The following CCSER1 variants were observed in gnomAD, a reference collection of about 807,000 sequenced individuals.
CCSER1 encodes the protein serine-rich coiled-coil domain-containing protein 1.
CCSER1 carries 41 observed loss-of-function variants against 82.0 expected under a neutral mutation model. The ratio of observed to expected loss-of-function variants is 0.50; its 90% CI spans 0.39 to 0.65. The LOEUF is 0.65. CCSER1 is among the 30% of genes least tolerant of loss of function. The probability of loss-of-function intolerance (pLI) is 0.00; values close to 1 mark genes in which losing one functional copy is unlikely to be tolerated. For synonymous variants in CCSER1, 414 were observed against 383.9 expected, an observed-to-expected ratio of 1.08 and a Z score of -0.92; for missense variants, 1,119 against 1,064.2, an observed-to-expected ratio of 1.05 and a Z score of -0.72.
intron 10 of CCSER1, among the ~76,000 whole-genome samples, chr4:91,442,948 G>A (rs553334977): frequency 8.4e-4 from 128 of 152,276 alleles, no homozygotes; most frequent in African/African-American, 2.8e-3. Flanking sequence ...AGTTAGAATG[G>A]CAATCATTAA....
At chr4:91,227,430 T>A (rs1738285838) in intron 10 of CCSER1, among the ~76,000 whole-genome samples, 1 of 151,582 alleles carries the variant, frequency 6.6e-6, no homozygotes, top group South Asian at 2.1e-4. Context: ...TTAATAACAT[T>A]ATAATGTGTG....
chr4:91,033,726 G>A (rs191088375), intron 9 of CCSER1, among the ~76,000 whole-genome samples: 4 of 152,210 alleles, frequency 2.6e-5, no homozygotes, highest in Admixed American at 1.3e-4. Flanking sequence ...TACTTACTAC[G>A]GACTCAGAAG....
At position 90,555,562 on chromosome 4, in the gene CCSER1, A is replaced by T. The variant is rs570595222; in HGVS notation, c.1725-72463A>T. Among the ~76,000 whole-genome samples the T allele has an allele frequency of 1.8e-3, 270 of 152,206 alleles. 1 individual carries two copies. The highest frequency in any genetic ancestry group is 1.3e-3 in the Non-Finnish European group (86 of 67,940). ...TCTTCTCAAATAACTCTTTAATTTT[A>T]ATTTTACACCTTTGCAAGTGTCAGA... On this transcript the variant is annotated intron_variant, in intron 5 of 10. Coordinates refer to ENST00000509176, the MANE Select transcript of CCSER1 (RefSeq NM_001145065.2).
intron 10 of CCSER1, among the ~76,000 whole-genome samples, chr4:91,180,042 G>C (rs1008899878): frequency 6.6e-6 from 1 of 152,208 alleles, no homozygotes; most frequent in African/African-American, 2.4e-5. Context: ...AGGATCCCCA[G>C]CTGCAGGTCT....
chr4:91,210,654 G>C (rs1736738834), intron 10 of CCSER1, among the ~76,000 whole-genome samples: 1 of 151,624 alleles, frequency 6.6e-6, no homozygotes, highest in African/African-American at 2.4e-5. Context: ...CTTCAAAAAT[G>C]TTAAGGATAT....
At chr4:91,112,241 A>G (rs1334938933) in intron 10 of CCSER1, among the ~76,000 whole-genome samples, 3 of 152,092 alleles carry the variant, frequency 2.0e-5, no homozygotes, top group Admixed American at 6.5e-5. Flanking sequence ...TCATTGAATA[A>G]TGACGTTTCC....
intron 6 of CCSER1, among the ~76,000 whole-genome samples, chr4:90,638,677 C>T (rs1005437250): frequency 2.6e-5 from 4 of 152,132 alleles, no homozygotes; most frequent in Non-Finnish European, 4.4e-5. Context: ...TGCTGTACAA[C>T]TTGGTCTTGA....
intron 7 of CCSER1, among the ~76,000 whole-genome samples, chr4:90,728,529 A>G (rs1350651210): frequency 6.6e-6 from 1 of 152,138 alleles, no homozygotes; most frequent in Non-Finnish European, 1.5e-5. Context: ...AGATAAATAA[A>G]TTGTTTCAAA....
At chr4:90,251,011 A>G (rs556089577) in intron 1 of CCSER1, among the ~76,000 whole-genome samples, 9 of 152,058 alleles carry the variant, frequency 5.9e-5, no homozygotes, top group African/African-American at 2.2e-4. Flanking sequence ...TAGAGATACA[A>G]TTGATTTTGG....
At chr4:90,373,129 T>G (rs1182590818) in intron 3 of CCSER1, among the ~76,000 whole-genome samples, 1 of 152,126 alleles carries the variant, frequency 6.6e-6, no homozygotes, top group Non-Finnish European at 1.5e-5. Context: ...TATCTCATCC[T>G]CAATTTACCT....
intron 6 of CCSER1, among the ~76,000 whole-genome samples, chr4:90,638,006 G>A (rs1725744084): frequency 6.6e-6 from 1 of 152,064 alleles, no homozygotes; most frequent in African/African-American, 2.4e-5. Flanking sequence ...CACTTCCTTA[G>A]ACAAAATACG....
At chr4:91,140,716 C>G (rs928479157) in intron 10 of CCSER1, among the ~76,000 whole-genome samples, 5 of 152,062 alleles carry the variant, frequency 3.3e-5, no homozygotes, top group Admixed American at 2.6e-4. Flanking sequence ...GCTTTTGATG[C>G]CTAAATTCCA....
chr4:90,452,453 TC>T (rs982064150), intron 4 of CCSER1, among the ~76,000 whole-genome samples: 4 of 152,232 alleles, frequency 2.6e-5, no homozygotes, highest in Non-Finnish European at 5.9e-5. Flanking sequence ...GTTAAGTTAT[TC>T]CCCATGGTTA....
chr4:90,959,129 G>A (rs76389834), intron 9 of CCSER1, among the ~76,000 whole-genome samples: 4,119 of 152,182 alleles, frequency 0.027, 184 homozygotes, highest in African/African-American at 0.094. Context: ...TAAATAATTT[G>A]CATCTCTGCT....
At chr4:91,191,889 A>G (rs1735023979) in intron 10 of CCSER1, among the ~76,000 whole-genome samples, 1 of 152,226 alleles carries the variant, frequency 6.6e-6, no homozygotes, top group Non-Finnish European at 1.5e-5. Context: ...TCAATCAGCC[A>G]GAGTTGCTTT....
intron 9 of CCSER1, among the ~76,000 whole-genome samples, chr4:91,000,364 C>G (rs918091729): frequency 6.6e-6 from 1 of 152,000 alleles, no homozygotes; most frequent in African/African-American, 2.4e-5. Flanking sequence ...TGTTATGCCT[C>G]CAGCTTTGCT....
intron 4 of CCSER1, among the ~76,000 whole-genome samples, chr4:90,416,512 CT>C (rs1755815393): frequency 6.6e-6 from 1 of 152,122 alleles, no homozygotes; most frequent in African/African-American, 2.4e-5. Flanking sequence ...TTATGTCTGT[CT>C]CAAAATATAA....
At chr4:90,981,637 T>C (rs1212005175) in intron 9 of CCSER1, among the ~76,000 whole-genome samples, 1 of 151,822 alleles carries the variant, frequency 6.6e-6, no homozygotes, top group African/African-American at 2.4e-5. Flanking sequence ...TCAGTGAGTA[T>C]TTCAAAGAAT....
chr4:91,093,778 T>C (rs772767091), intron 10 of CCSER1, among the ~76,000 whole-genome samples: 9 of 152,204 alleles, frequency 5.9e-5, no homozygotes, highest in Non-Finnish European at 1.3e-4. Context: ...GTTTTTCCTT[T>C]AACTTGCAAA....
Sources: gnomAD v4.1 joint callset for allele counts (sites outside exome capture counted in the v4.1 genomes callset) on GRCh38, gnomAD v4.1.1 for gene constraint, MANE v1.5 for transcripts, NCBI Gene and HGNC (gene_info 2026-07-23, HGNC 2026-07-21) for gene names.